INSYN2B: variants seen among roughly 807,000 people sequenced by gnomAD.
The protein encoded by INSYN2B is inhibitory synaptic factor family member 2B, also known as protein INSYN2B.
In INSYN2B, 16 loss-of-function variants were observed where a neutral mutation model predicts 41.2. The observed-to-expected ratio is 0.39, with a 90% CI of 0.26 to 0.59. INSYN2B has a LOEUF of 0.59. Ranked by LOEUF, INSYN2B falls within the 20% of genes least tolerant of loss-of-function variation. The pLI is 0.57. For missense variants in INSYN2B, 608 were observed against 646.4 expected (o/e 0.94, Z 0.64); for synonymous variants, 245 against 244.4 (o/e 1.00, Z -0.02).
At chr5:169,934,087 C>T (rs1775879695) in intron 1 of INSYN2B, among the ~76,000 whole-genome samples, 2 of 152,176 alleles carry the variant, frequency 1.3e-5, no homozygotes, top group South Asian at 2.1e-4. Flanking sequence ...TTGTAGCACA[C>T]CTCATGTCTG....
chr5:169,883,319 A>T lies in INSYN2B; in HGVS notation c.580T>A (p.Ser194Thr), dbSNP rs749899523. The T allele has an allele frequency of 9.7e-6, 15 of 1,551,178 alleles. No individual in the cohort carries two copies. The highest frequency in any genetic ancestry group is 9.6e-5 in the African/African-American group (7 of 72,892). The change falls in exon 2 of 4, where the codon TCC (serine) becomes ACC (threonine). Residue 194 changes from serine to threonine, a missense_variant. Ser to Thr is a moderately conservative substitution (Grantham distance 58). Transcript: ENST00000377365. Reference protein sequence around the residue: ...SICLEAGTWRSLEKATAAIQV... With the variant: ...SICLEAGTWRTLEKATAAIQV... ...ATGGCAGCTGTGGCTTTCTCTAAGG[A>T]CCTCCAAGTTCCTGCTTCCAAGCAT... is the stretch of plus-strand genomic sequence containing the variant.
chr5:169,951,600 T>C (rs1776668766), intron 1 of INSYN2B, among the ~76,000 whole-genome samples: 1 of 152,186 alleles, frequency 6.6e-6, no homozygotes, highest in Non-Finnish European at 1.5e-5. Flanking sequence ...CAACAGATAG[T>C]TATCAATAGA....
chr5:169,912,204 C>T (rs1774634638), intron 1 of INSYN2B, among the ~76,000 whole-genome samples: 3 of 152,008 alleles, frequency 2.0e-5, no homozygotes. Context: ...CAGTTATAGG[C>T]CAGGCTTTTA....
chr5:169,904,517 A>G (rs1158213346), intron 1 of INSYN2B, among the ~76,000 whole-genome samples: 2 of 151,666 alleles, frequency 1.3e-5, no homozygotes, highest in African/African-American at 2.4e-5. Flanking sequence ...GGCCTGAGGG[A>G]GTGAGGTGGG....
Position 169,962,184 on chromosome 5 carries a change from G to C in INSYN2B, c.-919+18093C>G, listed in dbSNP as rs867678369. ...AAAAGTCTACTCTGGTTGCTCCCTG[G>C]AGGGGAGGGAGCAAGATTGGAGGCA... On this transcript the variant is annotated intron_variant, in intron 1 of 3. Coordinates refer to ENST00000377365, the MANE Select transcript of INSYN2B (RefSeq NM_001129891.3). 3.3e-5 allele frequency among the ~76,000 whole-genome samples: 5 copies of C among 152,132 alleles called. No individual in the cohort carries two copies. In the Middle Eastern group the frequency reaches 0.01, roughly 310 times the overall value.
chr5:169,968,278 A>C (rs1358750033), intron 1 of INSYN2B, among the ~76,000 whole-genome samples: 1 of 152,206 alleles, frequency 6.6e-6, no homozygotes, highest in Non-Finnish European at 1.5e-5. Context: ...ATAGCTGAGA[A>C]GACCTTTGTC....
intron 1 of INSYN2B, among the ~76,000 whole-genome samples, chr5:169,957,119 G>A (rs1410582783): frequency 2.0e-5 from 3 of 152,148 alleles, no homozygotes; most frequent in Non-Finnish European, 4.4e-5. Flanking sequence ...AAGACTGTCA[G>A]TGCCATGAGG....
intron 1 of INSYN2B, among the ~76,000 whole-genome samples, chr5:169,933,797 C>T (rs925520989): frequency 2.0e-5 from 3 of 152,086 alleles, no homozygotes; most frequent in Non-Finnish European, 4.4e-5. Context: ...TTTCAACATG[C>T]AGATTTATGA....
At position 169,883,951 on chromosome 5, in the gene INSYN2B, C is replaced by T. The variant is rs950696706; in HGVS notation, c.-53G>A. On this transcript the variant is annotated 5_prime_UTR_variant, in exon 2 of 4. Transcript: ENST00000377365. ...ATACACTTCTCCTAGGCACATCTCC[C>T]CTTAGGTCTTTGGAGCAGTATCTAA... 4 of 1,422,636 alleles carry T rather than the reference C, an allele frequency of 2.8e-6. No homozygotes were observed. In the African/African-American group the frequency reaches 4.3e-5, roughly 15 times the overall value. The allele number at this position is 1,422,636 out of a possible 1,614,324, so 88.1% of individuals were successfully genotyped here. A position where few individuals can be genotyped will look rare whatever the true frequency, so the allele number is the denominator to read the frequency against.
chr5:169,961,285 G>A (rs1777075562), intron 1 of INSYN2B, among the ~76,000 whole-genome samples: 2 of 152,198 alleles, frequency 1.3e-5, no homozygotes, highest in Admixed American at 6.5e-5. Flanking sequence ...ATCTGTGAAG[G>A]TTTGTGGAAT....
chr5:169,958,380 G>A (rs1219861035), intron 1 of INSYN2B, among the ~76,000 whole-genome samples: 1 of 152,188 alleles, frequency 6.6e-6, no homozygotes, highest in Admixed American at 6.5e-5. Flanking sequence ...GGAAAAGCAA[G>A]AGGAGGGCAA....
rs181065770 is a variant in INSYN2B at position 169,902,750 on chromosome 5, C to T, written c.-918-17934G>A. ...GAAAATGGGTTGGGTACTAGGGACACGGCAGTGAGCTCAGACATTCTCCCA... is the reference window on the plus strand; with the variant it reads ...GAAAATGGGTTGGGTACTAGGGACATGGCAGTGAGCTCAGACATTCTCCCA... On this transcript the variant is annotated intron_variant, in intron 1 of 3. Coordinates refer to ENST00000377365, the MANE Select transcript of INSYN2B (RefSeq NM_001129891.3). Among the ~76,000 whole-genome samples the T allele has an allele frequency of 2.1e-3, 313 of 152,208 alleles. 1 individual carries two copies. Among genetic ancestry groups the T allele is most frequent in the Non-Finnish European group, 3.9e-3 (264 of 68,014 alleles).
Position 169,864,248 on chromosome 5 carries a change from G to T in INSYN2B, c.*25C>A. On this transcript the variant is annotated 3_prime_UTR_variant, in exon 4 of 4. Coordinates refer to ENST00000377365, the MANE Select transcript of INSYN2B (RefSeq NM_001129891.3). ...TCTCAGGGAAGTGCGTGGAGTTGGG[G>T]GGCTGGGGGATGGTCCCAACCAGCT... 1.9e-6 allele frequency: 3 copies of T among 1,545,620 alleles called. No homozygotes were observed. The highest frequency in any genetic ancestry group is 1.8e-6 in the Non-Finnish European group (2 of 1,141,672).
At chr5:169,936,479 G>A (rs990637613) in intron 1 of INSYN2B, among the ~76,000 whole-genome samples, 1 of 151,880 alleles carries the variant, frequency 6.6e-6, no homozygotes, top group Non-Finnish European at 1.5e-5. Flanking sequence ...GAGGGAAACA[G>A]CTGATTATAA....
At chr5:169,878,277 T>G (rs1401093523) in intron 3 of INSYN2B, among the ~76,000 whole-genome samples, 3 of 152,056 alleles carry the variant, frequency 2.0e-5, no homozygotes, top group Non-Finnish European at 2.9e-5. Context: ...TCCACCTTCA[T>G]GGTTTTTGCA....
At chr5:169,967,319 T>C (rs759064258) in intron 1 of INSYN2B, among the ~76,000 whole-genome samples, 2 of 152,176 alleles carry the variant, frequency 1.3e-5, no homozygotes, top group Non-Finnish European at 2.9e-5. Context: ...GAGGTGACTA[T>C]GTCAATTGTT....
In INSYN2B at chr5:169,882,582, G is replaced by A. The variant is rs1338286420; in HGVS notation, c.1317C>T (p.Asp439=). The change falls in exon 2 of 4, where the codon GAC becomes GAT. Residue 439 remains aspartate (D), a synonymous_variant. Transcript: ENST00000377365. ...CAGTGAGAGCTCGAGCTTTCTCCAA[G>A]TCTTGAATTACATTCAAAAGGACTT... The part of the protein sequence containing the change: ...KIKVLLNVIQ[D]LEKARALTEG... 8.4e-6 allele frequency: 13 copies of A among 1,549,958 alleles called. No homozygotes were observed. The highest frequency in any genetic ancestry group is 1.1e-5 in the Non-Finnish European group (13 of 1,145,630).
intron 1 of INSYN2B, among the ~76,000 whole-genome samples, chr5:169,964,484 G>C (rs1777220318): frequency 1.3e-5 from 2 of 152,248 alleles, no homozygotes; most frequent in Non-Finnish European, 1.5e-5. Context: ...TCAGACAGGT[G>C]GCTCATGGGA....
In INSYN2B at chr5:169,882,819, G is replaced by T. The variant is rs1386788440; in HGVS notation, c.1080C>A (p.Asn360Lys). The change falls in exon 2 of 4, where the codon AAC becomes AAA. Residue 360 changes from asparagine to lysine, a missense_variant. Physicochemically the swap from Asn to Lys is moderately conservative, Grantham distance 94. Transcript: ENST00000377365. ...CCAGTGTGTCTGACTCGGTGGGGTTGTTTGCCGTCTGCTCCTGACACCCAG... is the reference window on the plus strand; with the variant it reads ...CCAGTGTGTCTGACTCGGTGGGGTTTTTTGCCGTCTGCTCCTGACACCCAG... Reference protein sequence around the residue: ...SAPGCQEQTANNPTESDTLEF... With the variant: ...SAPGCQEQTAKNPTESDTLEF... 6.4e-7 allele frequency: 1 copy of T among 1,550,924 alleles called. No homozygotes were observed. Among genetic ancestry groups the T allele is most frequent in the Admixed American group, 2.0e-5 (1 of 50,966 alleles).
Sources: gnomAD v4.1 joint callset for allele counts (sites outside exome capture counted in the v4.1 genomes callset) on GRCh38, gnomAD v4.1.1 for gene constraint, MANE v1.5 for transcripts, NCBI Gene and HGNC (gene_info 2026-07-23, HGNC 2026-07-21) for gene names.